Variants in ATP6V0D2 observed in about 807,000 individuals in gnomAD.
ATP6V0D2 encodes the protein ATPase H+ transporting V0 subunit d2.
ATP6V0D2 carries 40 observed loss-of-function variants against 40.0 expected under a neutral mutation model. The ratio of observed to expected loss-of-function variants is 1.00; its 90% CI spans 0.78 to 1.30. ATP6V0D2 has a LOEUF of 1.30. ATP6V0D2 is among the 50% of genes most tolerant of loss of function. The pLI, the probability that ATP6V0D2 is intolerant of heterozygous loss-of-function variation, is 0.00. For missense variants in ATP6V0D2, 470 were observed against 423.1 expected, an observed-to-expected ratio of 1.11 and a Z score of -0.97; for synonymous variants, 179 against 156.3, an observed-to-expected ratio of 1.15 and a Z score of -1.08.
chr8:86,136,425 C>T (rs1164111980), intron 2 of ATP6V0D2, among the ~76,000 whole-genome samples: 3 of 152,004 alleles, frequency 2.0e-5, no homozygotes, highest in East Asian at 1.9e-4. Flanking sequence ...TTGTGGGGAA[C>T]AATTAAATGT....
In ATP6V0D2 at chr8:86,109,489, T is replaced by C. The variant is rs938161600; in HGVS notation, c.131-4220T>C. Among the ~76,000 whole-genome samples, 4 of 152,198 alleles carry C rather than the reference T, an allele frequency of 2.6e-5. No individual in the cohort carries two copies. The East Asian group carries it at 7.7e-4, about 29-fold the overall frequency. On this transcript the variant is annotated intron_variant, in intron 1 of 7. Coordinates refer to ENST00000285393, the MANE Select transcript of ATP6V0D2 (RefSeq NM_152565.1). ...TCCTTCTATTCCACTTTTCACTGAT[T>C]ACAGTATTATAAGATTCCTACAGGG... is the stretch of plus-strand genomic sequence containing the variant.
chr8:86,129,323 G>A (rs760961192), intron 2 of ATP6V0D2, among the ~76,000 whole-genome samples: 36 of 152,260 alleles, frequency 2.4e-4, no homozygotes, highest in Non-Finnish European at 2.9e-4. Flanking sequence ...TGTGCACAGC[G>A]ACCCTGTGAA....
chr8:86,101,020 A>G (rs913310844), intron 1 of ATP6V0D2, among the ~76,000 whole-genome samples: 3 of 151,822 alleles, frequency 2.0e-5, no homozygotes, highest in Non-Finnish European at 4.4e-5. Flanking sequence ...GGTGGCAGAC[A>G]CCTGTAATCC....
chr8:86,124,763 T>C (rs1251350621), intron 2 of ATP6V0D2, among the ~76,000 whole-genome samples: 1 of 152,124 alleles, frequency 6.6e-6, no homozygotes, highest in East Asian at 1.9e-4. Flanking sequence ...TTGTTTAAAA[T>C]ATGTTCAGTG....
chr8:86,115,358 A>ATT (rs564384965), intron 2 of ATP6V0D2, among the ~76,000 whole-genome samples: 1,411 of 73,230 alleles, frequency 0.019, 200 homozygotes, highest in African/African-American at 0.022. Flanking sequence ...CGTATCATCC[A>ATT]TTTTTTTTTT....
chr8:86,125,810 TCATA>T (rs1441887886), intron 2 of ATP6V0D2, among the ~76,000 whole-genome samples: 1 of 152,034 alleles, frequency 6.6e-6, no homozygotes, highest in Admixed American at 6.6e-5. Flanking sequence ...AACAGTGAGA[TCATA>T]CATGTATTGT....
intron 1 of ATP6V0D2, among the ~76,000 whole-genome samples, chr8:86,108,512 C>G (rs892536327): frequency 1.3e-5 from 2 of 152,162 alleles, no homozygotes; most frequent in African/African-American, 4.8e-5. Flanking sequence ...AAACTGAGTT[C>G]GGAAAATTCA....
chr8:86,127,956 C>A (rs891101537), intron 2 of ATP6V0D2, among the ~76,000 whole-genome samples: 14 of 152,168 alleles, frequency 9.2e-5, no homozygotes, highest in Non-Finnish European at 1.9e-4. Context: ...GTGGCTCATG[C>A]CTGTAATCTC....
At chr8:86,100,202 G>A (rs563686656) in intron 1 of ATP6V0D2, among the ~76,000 whole-genome samples, 32 of 151,686 alleles carry the variant, frequency 2.1e-4, no homozygotes, top group African/African-American at 7.5e-4. Context: ...AGTGGAAATT[G>A]TCTCTAAACC....
At chr8:86,110,679 T>C (rs1818519116) in intron 1 of ATP6V0D2, among the ~76,000 whole-genome samples, 1 of 152,172 alleles carries the variant, frequency 6.6e-6, no homozygotes, top group South Asian at 2.1e-4. Context: ...CAGGCTAAAA[T>C]GTCTACGTGC....
chr8:86,101,390 G>A (rs1044712435), intron 1 of ATP6V0D2, among the ~76,000 whole-genome samples: 1 of 141,822 alleles, frequency 7.1e-6, no homozygotes, highest in African/African-American at 2.6e-5. Flanking sequence ...AGCCCAAAAG[G>A]TTGAAGCTGC....
chr8:86,110,551 G>A (rs1218148624), intron 1 of ATP6V0D2, among the ~76,000 whole-genome samples: 1 of 152,220 alleles, frequency 6.6e-6, no homozygotes, highest in Non-Finnish European at 1.5e-5. Flanking sequence ...TCTGCTGCGA[G>A]TTGGAAGGCT....
At position 86,150,285 on chromosome 8, in the gene ATP6V0D2, C is replaced by T. The variant is rs773360161; in HGVS notation, c.813C>T (p.Tyr271=). Residue 271 remains tyrosine, a synonymous_variant, in exon 6 of 8, where the codon TAC becomes TAT. Coordinates refer to ENST00000285393, the MANE Select transcript of ATP6V0D2 (RefSeq NM_152565.1). ...FDQMKNVADH[Y]GVYKPLFEAV... is the part of the protein sequence containing the mutation. The stretch of plus-strand genomic sequence containing the variant: ...AGATGAAGAACGTAGCGGATCATTA[C>T]GGAGTATGTGATGACACTGGCTTCC... 5.6e-6 allele frequency: 9 copies of T among 1,612,820 alleles called. No homozygotes were observed. Among genetic ancestry groups the T allele is most frequent in the African/African-American group, 1.3e-5 (1 of 74,862 alleles).
At chr8:86,105,541 G>A (rs565571062) in intron 1 of ATP6V0D2, among the ~76,000 whole-genome samples, 1 of 151,258 alleles carries the variant, frequency 6.6e-6, no homozygotes, top group Admixed American at 6.6e-5. Context: ...CAAGTGATCT[G>A]CCCACCTCAG....
intron 2 of ATP6V0D2, among the ~76,000 whole-genome samples, chr8:86,129,985 A>G (rs1377449266): frequency 1.3e-5 from 2 of 150,074 alleles, no homozygotes; most frequent in African/African-American, 4.9e-5. Flanking sequence ...TCGAAAAGAA[A>G]AAAAAAAAAA....
At chr8:86,147,631 G>A (rs1384118169) in intron 5 of ATP6V0D2, among the ~76,000 whole-genome samples, 1 of 152,124 alleles carries the variant, frequency 6.6e-6, no homozygotes, top group Non-Finnish European at 1.5e-5. Flanking sequence ...ACCCAAAAGA[G>A]CCTCTAGACT....
chr8:86,145,866 C>T (rs879002639), intron 5 of ATP6V0D2, among the ~76,000 whole-genome samples: 8 of 152,318 alleles, frequency 5.3e-5, no homozygotes, highest in Admixed American at 5.2e-4. Flanking sequence ...TAATAGCTAA[C>T]ACTTACTACG....
chr8:86,147,822 A>C (rs1002932712), intron 5 of ATP6V0D2, among the ~76,000 whole-genome samples: 22 of 152,206 alleles, frequency 1.4e-4, no homozygotes, highest in Admixed American at 5.2e-4. Context: ...AACAGAGCAC[A>C]TGCACGGTAG....
intron 5 of ATP6V0D2, 144 bp from the exon 6 acceptor site, chr8:86,149,968 C>A: frequency 1.4e-6 from 1 of 732,116 alleles, no homozygotes; most frequent in Non-Finnish European, 2.2e-6. Context: ...TAAGGGAACA[C>A]TAATAACACA....
Sources: gnomAD v4.1 joint callset for allele counts (sites outside exome capture counted in the v4.1 genomes callset) on GRCh38, gnomAD v4.1.1 for gene constraint, MANE v1.5 for transcripts, NCBI Gene and HGNC (gene_info 2026-07-23, HGNC 2026-07-21) for gene names.